Variants in PTCHD1 observed in about 807,000 individuals in gnomAD.
PTCHD1 encodes patched domain-containing protein 1.
A neutral mutation model predicts 34.6 loss-of-function variants in PTCHD1; 3 were observed. The observed-to-expected ratio is 0.09, with a 90% CI of 0.04 to 0.22. PTCHD1 has a LOEUF of 0.22. Ranked by LOEUF, PTCHD1 falls within the 10% of genes least tolerant of loss-of-function variation. PTCHD1 has a pLI of 1.00. For missense variants in PTCHD1, 504 were observed against 685.5 expected (o/e 0.74, Z 2.96); for synonymous variants, 305 against 283.1 (o/e 1.08, Z -0.77).
chrX:23,349,875 G>A (rs2146615766), intron 1 of PTCHD1, among the ~76,000 whole-genome samples: 1 of 109,612 alleles, frequency 9.1e-6, no homozygotes, highest in African/African-American at 3.3e-5. Flanking sequence ...TCTTACAGAA[G>A]TGTAGGGGTT....
chrX:23,368,073 A>T (rs1487156168), intron 1 of PTCHD1, among the ~76,000 whole-genome samples: 5 of 109,225 alleles, frequency 4.6e-5, no homozygotes, highest in African/African-American at 1.7e-4. Flanking sequence ...TCAGATAGAC[A>T]TGGATGGTAG....
At position 23,339,297 on chromosome X, in the gene PTCHD1, A is replaced by T. The variant is rs73632084; in HGVS notation, c.351+4071A>T. The stretch of plus-strand genomic sequence containing the variant: ...GCAAGATATCATTCTTCCCTCCTTG[A>T]TAACCCCCGTAGTCATATCAAAGCG... On this transcript the variant is annotated intron_variant, in intron 1 of 2. Transcript: ENST00000379361. Among the ~76,000 whole-genome samples the T allele has an allele frequency of 5.7e-3, 641 of 112,197 alleles. 7 individuals are homozygous for T. Among genetic ancestry groups the T allele is most frequent in the African/African-American group, 0.02 (612 of 30,900 alleles).
chrX:23,364,697 C>A (rs1372603532), intron 1 of PTCHD1, among the ~76,000 whole-genome samples: 2 of 112,205 alleles, frequency 1.8e-5, no homozygotes, highest in African/African-American at 6.5e-5. Context: ...AGCTGTCTCT[C>A]CCACACACCT....
chrX:23,353,609 C>CAAAAA (rs200478194), intron 1 of PTCHD1, among the ~76,000 whole-genome samples: 17 of 96,386 alleles, frequency 1.8e-4, no homozygotes, highest in South Asian at 1.0e-3. Flanking sequence ...CAAAACAAAA[C>CAAAAA]AAAAAAAAAA....
chrX:23,392,457 C>A, intron 2 of PTCHD1, 74 bp from the exon 3 acceptor site: 1 of 699,061 alleles, frequency 1.4e-6, no homozygotes, highest in Non-Finnish European at 2.3e-6. Flanking sequence ...AGTAGTCCCT[C>A]ATAATCAAGT....
chrX:23,394,157 G>A lies in PTCHD1; in HGVS notation c.2639G>A (p.Arg880His), dbSNP rs773241440. 50 of 1,204,065 alleles carry A rather than the reference G, an allele frequency of 4.2e-5. No homozygotes were observed. Among genetic ancestry groups the A allele is most frequent in the African/African-American group, 3.5e-5 (2 of 56,364 alleles). Residue 880 changes from arginine (R) to histidine (H), a missense_variant, in exon 3 of 3, where the codon CGT becomes CAT. Arg to His is a conservative substitution (Grantham distance 29, BLOSUM62 0). Transcript: ENST00000379361. ...CVEMVDIDST[R>H]VVDQITTV Reference sequence around the variant, plus strand: ...GAAATGGTAGATATCGATAGTACCCGTGTGGTTGACCAAATTACAACAGTG... The same window carrying A: ...GAAATGGTAGATATCGATAGTACCCATGTGGTTGACCAAATTACAACAGTG...
chrX:23,377,399 T>C (rs1046259405), intron 1 of PTCHD1, among the ~76,000 whole-genome samples: 3 of 112,125 alleles, frequency 2.7e-5, no homozygotes, highest in Non-Finnish European at 5.6e-5. Context: ...TAATTTGAAA[T>C]ATTTTGTAAC....
chrX:23,402,095 C>T lies in PTCHD1; in HGVS notation c.*7910C>T, dbSNP rs940968950. ...ATATGGGGTGATCCCTCCAAATTGC[C>T]AACTCCTCGTCTTAGGAAGAAGTGG... On this transcript the variant is annotated 3_prime_UTR_variant, in exon 3 of 3. Coordinates refer to ENST00000379361, the MANE Select transcript of PTCHD1 (RefSeq NM_173495.3). The T allele has an allele frequency of 8.9e-6, 1 of 111,853 alleles. No homozygotes were observed. Among genetic ancestry groups the T allele is most frequent in the Non-Finnish European group, 1.9e-5 (1 of 53,159 alleles). The allele number at this position is 111,853 out of a possible 1,213,427, so 9.2% of individuals were successfully genotyped here.
chrX:23,388,498 C>T (rs1485102350), intron 2 of PTCHD1, among the ~76,000 whole-genome samples: 4 of 112,176 alleles, frequency 3.6e-5, no homozygotes, highest in Admixed American at 1.9e-4. Context: ...TAAGATTTGG[C>T]GTCAGAGTTC....
chrX:23,348,009 C>CAA (rs201923776), intron 1 of PTCHD1, among the ~76,000 whole-genome samples: 1 of 108,923 alleles, frequency 9.2e-6, no homozygotes, highest in African/African-American at 3.4e-5. Context: ...GATCCTGTCT[C>CAA]AAAAAAAATA....
chrX:23,392,817 C>G lies in PTCHD1; in HGVS notation c.1299C>G (p.Asn433Lys). Residue 433 changes from asparagine (N) to lysine (K), a missense_variant, in exon 3 of 3, where the codon AAC becomes AAG. Transcript: ENST00000379361. Reference protein sequence around the residue: ...SSLVFTGYIENNYQHSIFCRK... With the variant: ...SSLVFTGYIEKNYQHSIFCRK... ...TAGTGTTCACTGGCTACATAGAAAACAATTACCAGCATAGTATCTTCTGTA... is the reference window on the plus strand; with the variant it reads ...TAGTGTTCACTGGCTACATAGAAAAGAATTACCAGCATAGTATCTTCTGTA... 1 of 1,211,829 alleles carries G rather than the reference C, an allele frequency of 8.3e-7. No individual in the cohort carries two copies. Among genetic ancestry groups the G allele is most frequent in the Admixed American group, 2.2e-5 (1 of 46,047 alleles).
intron 2 of PTCHD1, among the ~76,000 whole-genome samples, chrX:23,380,855 C>A (rs1295731780): frequency 1.8e-5 from 2 of 111,202 alleles, no homozygotes; most frequent in African/African-American, 6.6e-5. Context: ...GAGGGCTGCT[C>A]CCCAGGCCAG....
intron 2 of PTCHD1, among the ~76,000 whole-genome samples, chrX:23,390,162 C>T (rs945771704): frequency 1.4e-4 from 16 of 110,860 alleles, no homozygotes; most frequent in East Asian, 1.4e-3. Flanking sequence ...ATTCTAATTC[C>T]GCTATATGCT....
rs186533622 is a variant in PTCHD1, at chrX:23,401,810, C to T, written c.*7625C>T. ...TCCCCTTCTATATGTTTCTTATGCA[C>T]GAGCACAGCTAAGAGCAGCCAAATA... On this transcript the variant is annotated 3_prime_UTR_variant, in exon 3 of 3. Coordinates refer to ENST00000379361, the MANE Select transcript of PTCHD1 (RefSeq NM_173495.3). 4.4e-5 allele frequency: 5 copies of T among 112,614 alleles called. No homozygotes were observed. The highest frequency in any genetic ancestry group is 3.7e-4 in the South Asian group (1 of 2,738). The allele number at this position is 112,614 out of a possible 1,213,427, so 9.3% of individuals were successfully genotyped here. A position where few individuals can be genotyped will look rare whatever the true frequency, so the allele number is the denominator to read the frequency against.
Position 23,393,766 on chromosome X carries a change from G to A in PTCHD1, c.2248G>A (p.Asp750Asn). The A allele has an allele frequency of 8.3e-7, 1 of 1,211,533 alleles. No homozygotes were observed. Among genetic ancestry groups the A allele is most frequent in the Non-Finnish European group, 1.1e-6 (1 of 895,262 alleles). ...CATGACATTATGGAAAGTAGAACTG[G>A]ACTGCATTTCTGTGCTATGCTTAAT... The part of the protein sequence containing the change: ...GFMTLWKVEL[D>N]CISVLCLIYG... The change falls in exon 3 of 3, where the codon GAC becomes AAC. Residue 750 changes from aspartate (D) to asparagine (N), a missense_variant. Coordinates refer to ENST00000379361, the MANE Select transcript of PTCHD1 (RefSeq NM_173495.3).
intron 1 of PTCHD1, among the ~76,000 whole-genome samples, chrX:23,376,108 C>T (rs149677641): frequency 0.014 from 1,530 of 111,821 alleles, 24 homozygotes; most frequent in African/African-American, 0.047. Flanking sequence ...TTTCCACGCG[C>T]GAGTGCAAGC....
intron 1 of PTCHD1, among the ~76,000 whole-genome samples, chrX:23,354,838 TGGG>T (rs2146620111): frequency 9.1e-6 from 1 of 109,479 alleles, no homozygotes; most frequent in East Asian, 2.9e-4. Context: ...CCCAAAGTGC[TGGG>T]ATTATAGGGG....
At chrX:23,362,699 G>A (rs1601908871) in intron 1 of PTCHD1, among the ~76,000 whole-genome samples, 1 of 112,143 alleles carries the variant, frequency 8.9e-6, no homozygotes, top group African/African-American at 3.2e-5. Context: ...CTTTGGAGGA[G>A]AAGAGGCACT....
intron 1 of PTCHD1, among the ~76,000 whole-genome samples, chrX:23,337,367 C>T (rs183716111): frequency 1.3e-3 from 150 of 111,788 alleles, no homozygotes; most frequent in Non-Finnish European, 2.4e-3. Context: ...TCCAGACTTA[C>T]GGAACCAAGG....
Sources: allele counts gnomAD v4.1 joint callset (sites outside exome capture counted in the v4.1 genomes callset), GRCh38; gene constraint gnomAD v4.1.1; transcripts MANE v1.5; gene names NCBI Gene and HGNC (gene_info 2026-07-23, HGNC 2026-07-21).